LMX1B: variants seen among roughly 807,000 people sequenced by gnomAD.
The protein encoded by LMX1B is LIM homeobox transcription factor 1-beta.
In LMX1B, 12 loss-of-function variants were observed where a neutral mutation model predicts 51.4. The observed-to-expected ratio is 0.23, with a 90% CI of 0.15 to 0.38. The LOEUF (loss-of-function observed/expected upper bound fraction) is 0.38, where lower values mean the gene tolerates loss of function less well. Ranked by LOEUF, LMX1B falls within the 10% of genes least tolerant of loss-of-function variation. The pLI is 1.00. For synonymous variants in LMX1B, 237 were observed against 235.4 expected, an observed-to-expected ratio of 1.01 and a Z score of -0.06; for missense variants, 445 against 571.1, an observed-to-expected ratio of 0.78 and a Z score of 2.25.
intron 2 of LMX1B, among the ~76,000 whole-genome samples, chr9:126,689,544 C>T (rs1001644563): frequency 7.2e-5 from 11 of 152,188 alleles, no homozygotes; most frequent in African/African-American, 2.7e-4. Flanking sequence ...ATAAATTTTT[C>T]CATCAAAGTG....
chr9:126,629,025 A>G (rs769607362), intron 2 of LMX1B, among the ~76,000 whole-genome samples: 5 of 151,546 alleles, frequency 3.3e-5, no homozygotes, highest in Non-Finnish European at 7.4e-5. Context: ...TCCCCTTTCT[A>G]TAGCAGTATG....
In LMX1B at chr9:126,642,481, T is replaced by C. The variant is rs566669899; in HGVS notation, c.326+26912T>C. ...TGTTTCCTCCACCAAGAATGCTTTT[T>C]TCCTTCTCTTCACCGGGCAAACTCT... On this transcript the variant is annotated intron_variant, in intron 2 of 7. Coordinates refer to ENST00000373474, the MANE Select transcript of LMX1B (RefSeq NM_001174147.2). Among the ~76,000 whole-genome samples the C allele has an allele frequency of 2.6e-5, 4 of 152,296 alleles. No homozygotes were observed. The East Asian group carries it at 7.7e-4, about 29-fold the overall frequency.
chr9:126,638,442 C>G (rs1013219195), intron 2 of LMX1B, among the ~76,000 whole-genome samples: 2 of 152,218 alleles, frequency 1.3e-5, no homozygotes, highest in Non-Finnish European at 1.5e-5. Context: ...GCCCGCAGCC[C>G]TGCCACCCTG....
chr9:126,635,433 G>T (rs1272982169), intron 2 of LMX1B, among the ~76,000 whole-genome samples: 2 of 152,240 alleles, frequency 1.3e-5, no homozygotes, highest in African/African-American at 4.8e-5. Context: ...CAGGCTGAGG[G>T]CACTGCCTGG....
Position 126,693,150 on chromosome 9 carries a change from G to A in LMX1B, c.568G>A (p.Glu190Lys), listed in dbSNP as rs764725068. The A allele has an allele frequency of 1.3e-5, 21 of 1,579,572 alleles. No homozygotes were observed. The highest frequency in any genetic ancestry group is 1.8e-5 in the Non-Finnish European group (21 of 1,163,126). The change falls in exon 4 of 8, where the codon GAG becomes AAG. Residue 190 changes from glutamate to lysine, a missense_variant. Physicochemically the swap from Glu to Lys is moderately conservative, Grantham distance 56. This residue lies in a region of LMX1B where 273 missense variants were observed against 343.3 expected (regional missense o/e 0.80). Coordinates refer to ENST00000373474, the MANE Select transcript of LMX1B (RefSeq NM_001174147.2). Reference sequence around the variant, plus strand: ...GGTTGTGTCCCCCACAGTGAAGAGCGAGGATGAAGATGGGGACATGAAGCC... The same window carrying A: ...GGTTGTGTCCCCCACAGTGAAGAGCAAGGATGAAGATGGGGACATGAAGCC... ...SPDESDSVKS[E>K]DEDGDMKPAK...
rs1835504727 is a variant in LMX1B at position 126,625,414 on chromosome 9, TC to T, written c.326+9849del. Among the ~76,000 whole-genome samples the T allele has an allele frequency of 6.6e-6, 1 of 152,064 alleles. No homozygotes were observed. The highest frequency in any genetic ancestry group is 2.4e-5 in the African/African-American group (1 of 41,402). Reference sequence around the variant, plus strand: ...GACCGAGAGCACGGGTCCTGCTCTGTCCCCTCTTCCCAGGAAAGGTGGCACT... The same window carrying T: ...GACCGAGAGCACGGGTCCTGCTCTGTCCCTCTTCCCAGGAAAGGTGGCACT... On this transcript the variant is annotated intron_variant, in intron 2 of 7. Transcript: ENST00000373474. This position sits in a 1 kb window ranked among gnomAD's most constrained non-coding sequence, Gnocchi z 5.3.
At chr9:126,650,823 C>T (rs1014901148) in intron 2 of LMX1B, among the ~76,000 whole-genome samples, 1 of 152,216 alleles carries the variant, frequency 6.6e-6, no homozygotes, top group Non-Finnish European at 1.5e-5. Context: ...AAACTGCTCG[C>T]CATACCTATT....
rs570405902 is a variant in LMX1B, at chr9:126,625,183, G to T, written c.326+9614G>T. On this transcript the variant is annotated intron_variant, in intron 2 of 7. Coordinates refer to ENST00000373474, the MANE Select transcript of LMX1B (RefSeq NM_001174147.2). The surrounding 1 kb of genome is among the most constrained non-coding windows in gnomAD (Gnocchi z 5.3). ...CCTCCACCCCTTCCGAGGACGGCGG[G>T]AAGAGGGGGCTCCGGCCCTGTAGCC... 6.6e-6 allele frequency among the ~76,000 whole-genome samples: 1 copy of T among 152,378 alleles called. No homozygotes were observed. Among genetic ancestry groups the T allele is most frequent in the East Asian group, 1.9e-4 (1 of 5,178 alleles).
In LMX1B at chr9:126,693,823, GC is replaced by G. The variant is rs1447469852; in HGVS notation, c.886+13del. The G allele has an allele frequency of 8.2e-7, 1 of 1,221,784 alleles. No individual in the cohort carries two copies. The highest frequency in any genetic ancestry group is 1.5e-5 in the African/African-American group (1 of 67,098). 75.7% of individuals were successfully genotyped at this position (1,221,784 alleles called of 1,614,324 possible). A position where few individuals can be genotyped will look rare whatever the true frequency, so the allele number is the denominator to read the frequency against. Reference sequence around the variant, plus strand: ...AGCGGCTGGGCCAGGGTGAGCCGGGGCCGGGGCAGGGCCTGGGCCAGGGTGA... The same window carrying G: ...AGCGGCTGGGCCAGGGTGAGCCGGGGCGGGGCAGGGCCTGGGCCAGGGTGA... On this transcript the variant is annotated intron_variant, in intron 6 of 7. Transcript: ENST00000373474.
At chr9:126,630,096 A>G (rs574906806) in intron 2 of LMX1B, among the ~76,000 whole-genome samples, 1 of 142,084 alleles carries the variant, frequency 7.0e-6, no homozygotes, top group Non-Finnish European at 1.5e-5. Context: ...CGGGAGACGG[A>G]GCTTGCAGTG....
In LMX1B at chr9:126,695,382, C is replaced by T. The variant is rs958442412; in HGVS notation, c.887-457C>T. On this transcript the variant is annotated intron_variant, in intron 6 of 7. Transcript: ENST00000373474. The surrounding 1 kb of genome is among the most constrained non-coding windows in gnomAD (Gnocchi z 5.2). Reference sequence around the variant, plus strand: ...CCTCACTTACCCGGCGGTCTGTCTCCTCCATGCCTTTGCCGCCCCTCAGCC... The same window carrying T: ...CCTCACTTACCCGGCGGTCTGTCTCTTCCATGCCTTTGCCGCCCCTCAGCC... Among the ~76,000 whole-genome samples the T allele has an allele frequency of 5.3e-5, 8 of 152,220 alleles. No homozygotes were observed. Among genetic ancestry groups the T allele is most frequent in the African/African-American group, 1.9e-4 (8 of 41,454 alleles).
intron 2 of LMX1B, among the ~76,000 whole-genome samples, chr9:126,668,662 C>T (rs960191963): frequency 1.3e-5 from 2 of 152,064 alleles, no homozygotes; most frequent in African/African-American, 4.8e-5. Context: ...CCATGTTGGC[C>T]GGGCTGTTCT....
chr9:126,670,830 T>C (rs1251995074), intron 2 of LMX1B, among the ~76,000 whole-genome samples: 2 of 152,200 alleles, frequency 1.3e-5, no homozygotes, highest in Non-Finnish European at 1.5e-5. Context: ...TTTATTTCAT[T>C]ATATGGCGTT....
Position 126,696,021 on chromosome 9 carries a change from C to A in LMX1B, c.1051+18C>A. 1 of 828,432 alleles carries A rather than the reference C, an allele frequency of 1.2e-6. No homozygotes were observed. The highest frequency in any genetic ancestry group is 1.7e-6 in the Non-Finnish European group (1 of 587,654). The allele number at this position is 828,432 out of a possible 1,614,324, so 51.3% of individuals were successfully genotyped here. On this transcript the variant is annotated intron_variant, in intron 7 of 7. Coordinates refer to ENST00000373474, the MANE Select transcript of LMX1B (RefSeq NM_001174147.2). ...CCCCTATGGTAAGCCGCCCTACCCC[C>A]ACCCGCCCGCCCCAGCACAGCCCCT... is the stretch of plus-strand genomic sequence containing the variant.
At chr9:126,620,535 G>C (rs1159256829) in intron 2 of LMX1B, among the ~76,000 whole-genome samples, 5 of 152,192 alleles carry the variant, frequency 3.3e-5, no homozygotes, top group African/African-American at 9.7e-5. Flanking sequence ...GTGCGCACAG[G>C]TGCCAACTGC....
At chr9:126,619,434 C>T (rs1835367971) in intron 2 of LMX1B, among the ~76,000 whole-genome samples, 1 of 152,204 alleles carries the variant, frequency 6.6e-6, no homozygotes, top group South Asian at 2.1e-4. Flanking sequence ...CACCCCTTCC[C>T]CAGTGTGTAC....
rs185262684 is a variant in LMX1B, at chr9:126,676,296, C to G, written c.327-14540C>G. Among the ~76,000 whole-genome samples, 584 of 152,344 alleles carry G rather than the reference C, an allele frequency of 3.8e-3. 1 individual carries two copies. The highest frequency in any genetic ancestry group is 4.7e-3 in the Non-Finnish European group (321 of 68,026). On this transcript the variant is annotated intron_variant, in intron 2 of 7. Transcript: ENST00000373474. ...ATCGCCCTCCTCTCCCCGTCTCAGC[C>G]CAAATCTCTGTCTTCCGAAAAGTGG... is the stretch of plus-strand genomic sequence containing the variant.
intron 2 of LMX1B, among the ~76,000 whole-genome samples, chr9:126,654,508 T>G (rs1490826378): frequency 6.6e-6 from 1 of 152,228 alleles, no homozygotes; most frequent in Non-Finnish European, 1.5e-5. Flanking sequence ...AGGTACCAGG[T>G]TGGCCTGGCA....
intron 2 of LMX1B, among the ~76,000 whole-genome samples, chr9:126,645,720 C>T (rs1187864910): frequency 6.6e-6 from 1 of 152,172 alleles, no homozygotes; most frequent in Non-Finnish European, 1.5e-5. Flanking sequence ...TCTGGAGAAC[C>T]ATTCCAGGAG....
Sources: gnomAD v4.1 joint callset for allele counts (sites outside exome capture counted in the v4.1 genomes callset) on GRCh38, gnomAD v4.1.1 for gene constraint, gnomAD v4.1.1 regional missense constraint, Gnocchi (gnomAD v3.1) non-coding constraint, MANE v1.5 for transcripts, NCBI Gene and HGNC (gene_info 2026-07-23, HGNC 2026-07-21) for gene names.